The following CSMD1 variants were observed in gnomAD, a reference collection of about 807,000 sequenced individuals.
The protein encoded by CSMD1 is CUB and sushi domain-containing protein 1.
Under a neutral mutation model 417.5 loss-of-function variants are expected in CSMD1, and 213 were observed. The ratio of observed to expected loss-of-function variants is 0.51; its 90% CI spans 0.46 to 0.57. The LOEUF (loss-of-function observed/expected upper bound fraction) is 0.57, where lower values mean the gene tolerates loss of function less well. Among genes scored for constraint, CSMD1 ranks in the 20% least tolerant of loss-of-function variants. The pLI is 0.00. For synonymous variants in CSMD1, 2,862 were observed against 1,736.8 expected (o/e 1.65, Z -16.11); for missense variants, 6,923 against 4,529.7 (o/e 1.53, Z -15.17).
chr8:4,664,518 A>G (rs115038627), intron 1 of CSMD1, among the ~76,000 whole-genome samples: 3 of 152,126 alleles, frequency 2.0e-5, no homozygotes, highest in African/African-American at 7.2e-5. Flanking sequence ...CCGTGATCAT[A>G]CCACTGCATT....
intron 3 of CSMD1, among the ~76,000 whole-genome samples, chr8:4,391,553 G>T (rs76706818): frequency 0.022 from 3,282 of 152,098 alleles, 117 homozygotes; most frequent in African/African-American, 0.075. Flanking sequence ...CTCAGAGTAG[G>T]TAAGACTTGG....
chr8:4,391,428 G>T (rs1453167702), intron 3 of CSMD1, among the ~76,000 whole-genome samples: 1 of 152,106 alleles, frequency 6.6e-6, no homozygotes, highest in East Asian at 1.9e-4. Flanking sequence ...CTTAGTGATT[G>T]AGAGAAGGAA....
chr8:4,195,270 C>G (rs768411329), intron 3 of CSMD1, among the ~76,000 whole-genome samples: 2 of 152,180 alleles, frequency 1.3e-5, no homozygotes, highest in Non-Finnish European at 2.9e-5. Context: ...GGGTCTTGCT[C>G]TTTCACCCAG....
chr8:3,025,199 T>C (rs1293126664), intron 51 of CSMD1, among the ~76,000 whole-genome samples: 1 of 150,082 alleles, frequency 6.7e-6, no homozygotes, highest in Non-Finnish European at 1.5e-5. Context: ...TTGTGTGGTG[T>C]TATTCTGAAA....
chr8:3,394,305 T>C (rs1027242115), intron 17 of CSMD1, among the ~76,000 whole-genome samples: 6 of 148,846 alleles, frequency 4.0e-5, no homozygotes, highest in African/African-American at 1.5e-4. Flanking sequence ...ATTATTATAA[T>C]ATTAGTGAGG....
At chr8:3,326,539 A>C (rs888154309) in intron 23 of CSMD1, among the ~76,000 whole-genome samples, 2 of 152,228 alleles carry the variant, frequency 1.3e-5, no homozygotes, top group African/African-American at 4.8e-5. Flanking sequence ...CTTATGTTTT[A>C]CAGTTGTTAC....
intron 1 of CSMD1, among the ~76,000 whole-genome samples, chr8:4,796,769 C>T (rs908951162): frequency 6.6e-6 from 1 of 152,216 alleles, no homozygotes; most frequent in African/African-American, 2.4e-5. Flanking sequence ...ATTCAGTCCC[C>T]TTCCCCTTTT....
chr8:3,957,646 T>G (rs1350090667), intron 5 of CSMD1, among the ~76,000 whole-genome samples: 2 of 151,128 alleles, frequency 1.3e-5, no homozygotes, highest in East Asian at 2.0e-4. Flanking sequence ...GTCATGCCAC[T>G]GCACTCCAGC....
chr8:3,914,300 T>TG (rs1460243855), intron 5 of CSMD1, among the ~76,000 whole-genome samples: 1 of 151,914 alleles, frequency 6.6e-6, no homozygotes, highest in Non-Finnish European at 1.5e-5. Context: ...AGGTAGCTCA[T>TG]GGTTTTTAAG....
chr8:3,407,672 T>C (rs1585117939), intron 14 of CSMD1, among the ~76,000 whole-genome samples: 2 of 151,914 alleles, frequency 1.3e-5, no homozygotes, highest in African/African-American at 2.4e-5. Context: ...AGAGAGGAGA[T>C]CCAGCTTCTT....
rs912028142 is a variant in CSMD1, at chr8:4,871,780, C to A, written c.85+122552G>T. On this transcript the variant is annotated intron_variant, in intron 1 of 69. Coordinates refer to ENST00000635120, the MANE Select transcript of CSMD1 (RefSeq NM_033225.6). Reference sequence around the variant, plus strand: ...TATTTTTCCCTCTTTTGAAACTGTACATTTAGATTGTACACTTTTGAAAAA... The same window carrying A: ...TATTTTTCCCTCTTTTGAAACTGTAAATTTAGATTGTACACTTTTGAAAAA... Among the ~76,000 whole-genome samples the A allele has an allele frequency of 1.6e-4, 25 of 152,066 alleles. 1 individual carries two copies. The highest frequency in any genetic ancestry group is 5.8e-4 in the African/African-American group (24 of 41,356).
At position 3,199,752 on chromosome 8, in the gene CSMD1, C is replaced by G. The variant is rs1476669067; in HGVS notation, c.5156G>C (p.Ser1719Thr). The G allele has an allele frequency of 1.9e-6, 3 of 1,589,152 alleles. No individual in the cohort carries two copies. Among genetic ancestry groups the G allele is most frequent in the Admixed American group, 3.5e-5 (2 of 56,478 alleles). Residue 1719 changes from serine to threonine, a missense_variant, in exon 33 of 70, where the codon AGC becomes ACC. Physicochemically the swap from Ser to Thr is moderately conservative, Grantham distance 58 (BLOSUM62 1). Coordinates refer to ENST00000635120, the MANE Select transcript of CSMD1 (RefSeq NM_033225.6). Reference sequence around the variant, plus strand: ...GTGGAAGCCGCGGGCAGAGGCACCGCTCTTTGCACTGAATCGGAGCAGAAT... The same window carrying G: ...GTGGAAGCCGCGGGCAGAGGCACCGGTCTTTGCACTGAATCGGAGCAGAAT... ...NQILLRFSAK[S>T]GASARGFHFV... is the part of the protein sequence containing the mutation.
rs548019173 is a variant in CSMD1 at position 3,495,837 on chromosome 8, G to A, written c.1345-2111C>T. The stretch of plus-strand genomic sequence containing the variant: ...CCTACAGCATATGCACCCTCCTTAT[G>A]TCTTGCATGGACTCCCTCAGCTGTC... On this transcript the variant is annotated intron_variant, in intron 10 of 69. Coordinates refer to ENST00000635120, the MANE Select transcript of CSMD1 (RefSeq NM_033225.6). 1.6e-4 allele frequency among the ~76,000 whole-genome samples: 24 copies of A among 152,258 alleles called. 1 individual carries two copies. The South Asian group carries it at 4.4e-3, about 28-fold the overall frequency.
chr8:3,772,038 T>A (rs1256048203), intron 5 of CSMD1, among the ~76,000 whole-genome samples: 1 of 151,744 alleles, frequency 6.6e-6, no homozygotes, highest in Non-Finnish European at 1.5e-5. Flanking sequence ...AAGAGGAGCT[T>A]CTAGTGCGAG....
At chr8:4,830,167 G>C (rs752270852) in intron 1 of CSMD1, among the ~76,000 whole-genome samples, 16 of 152,152 alleles carry the variant, frequency 1.1e-4, no homozygotes, top group Non-Finnish European at 2.1e-4. Flanking sequence ...AGTACAAGAA[G>C]AGTCTTGTTT....
At chr8:4,055,858 C>T (rs1365505895) in intron 3 of CSMD1, among the ~76,000 whole-genome samples, 1 of 152,018 alleles carries the variant, frequency 6.6e-6, no homozygotes, top group Non-Finnish European at 1.5e-5. Flanking sequence ...ACTATGCCAG[C>T]TTATTTAAAC....
intron 5 of CSMD1, among the ~76,000 whole-genome samples, chr8:3,906,216 G>C (rs1336273286): frequency 1.3e-5 from 2 of 151,910 alleles, no homozygotes; most frequent in Non-Finnish European, 2.9e-5. Context: ...TCATTATCTT[G>C]ATTGTGACCA....
chr8:4,724,075 C>T (rs1563223482), intron 1 of CSMD1, among the ~76,000 whole-genome samples: 1 of 152,086 alleles, frequency 6.6e-6, no homozygotes, highest in Non-Finnish European at 1.5e-5. Context: ...TTTAAACAAT[C>T]TATATGCACT....
At chr8:3,508,041 G>C (rs1796904858) in intron 10 of CSMD1, among the ~76,000 whole-genome samples, 3 of 152,104 alleles carry the variant, frequency 2.0e-5, no homozygotes, top group Admixed American at 1.3e-4. Context: ...TTTGGCTTTT[G>C]TTGCCATTGC....
Sources: gnomAD v4.1 joint callset for allele counts (sites outside exome capture counted in the v4.1 genomes callset) on GRCh38, gnomAD v4.1.1 for gene constraint, MANE v1.5 for transcripts, NCBI Gene and HGNC (gene_info 2026-07-23, HGNC 2026-07-21) for gene names.